Variants in DGKB observed in about 807,000 individuals in gnomAD.
The protein encoded by DGKB is diacylglycerol kinase beta.
DGKB carries 67 observed loss-of-function variants against 114.3 expected under a neutral mutation model. The ratio of observed to expected loss-of-function variants is 0.59; its 90% confidence interval spans 0.48 to 0.72. The LOEUF (loss-of-function observed/expected upper bound fraction) is 0.72. Among genes scored for constraint, DGKB ranks in the 30% least tolerant of loss-of-function variants. The probability of loss-of-function intolerance (pLI) is 0.00; values close to 1 mark genes in which losing one functional copy is unlikely to be tolerated. For synonymous variants in DGKB, 398 were observed against 323.1 expected, an observed-to-expected ratio of 1.23 and a Z score of -2.49; for missense variants, 907 against 975.2, an observed-to-expected ratio of 0.93 and a Z score of 0.93.
chr7:14,333,265 T>G (rs1216105088), intron 23 of DGKB, among the ~76,000 whole-genome samples: 1 of 151,960 alleles, frequency 6.6e-6, no homozygotes, highest in Non-Finnish European at 1.5e-5. Flanking sequence ...GAGACCATCC[T>G]GGCTAACACG....
At chr7:14,181,012 T>C (rs375233644) in intron 23 of DGKB, among the ~76,000 whole-genome samples, 3 of 152,278 alleles carry the variant, frequency 2.0e-5, no homozygotes, top group African/African-American at 4.8e-5. Context: ...CCTAGCCCTT[T>C]TTGTATGGCT....
At chr7:14,684,585 T>A (rs1048324911) in intron 10 of DGKB, among the ~76,000 whole-genome samples, 9 of 152,158 alleles carry the variant, frequency 5.9e-5, no homozygotes, top group Admixed American at 1.3e-4. Context: ...TATAAGAACA[T>A]TCTAATTGGC....
intron 20 of DGKB, among the ~76,000 whole-genome samples, chr7:14,481,370 A>G (rs912313560): frequency 2.6e-5 from 4 of 151,974 alleles, no homozygotes; most frequent in African/African-American, 7.2e-5. Flanking sequence ...AGAATGTTCT[A>G]TATGTATTGA....
chr7:14,208,885 GTT>G (rs10566891), intron 23 of DGKB, among the ~76,000 whole-genome samples: 2,446 of 145,994 alleles, frequency 0.017, 67 homozygotes, highest in African/African-American at 0.056. Flanking sequence ...GAAATAGCTA[GTT>G]TTTTTTTTTT....
chr7:14,448,854 G>A (rs1283077097), intron 21 of DGKB, among the ~76,000 whole-genome samples: 1 of 152,034 alleles, frequency 6.6e-6, no homozygotes, highest in Admixed American at 6.6e-5. Flanking sequence ...AGGGAACCGA[G>A]TCAGATTTTA....
intron 22 of DGKB, among the ~76,000 whole-genome samples, chr7:14,342,015 AG>A (rs1244545322): frequency 6.6e-6 from 1 of 151,884 alleles, no homozygotes; most frequent in Admixed American, 6.6e-5. Flanking sequence ...TTTCAGTATT[AG>A]GACACATGGG....
At chr7:14,651,041 G>C (rs1814356206) in intron 13 of DGKB, among the ~76,000 whole-genome samples, 1 of 152,138 alleles carries the variant, frequency 6.6e-6, no homozygotes, top group Admixed American at 6.6e-5. Flanking sequence ...GCACCAGATG[G>C]ATTCACAGCC....
chr7:14,691,946 T>G (rs1014556749), intron 9 of DGKB, among the ~76,000 whole-genome samples: 4 of 151,984 alleles, frequency 2.6e-5, no homozygotes, highest in African/African-American at 9.7e-5. Context: ...TTACAAATAC[T>G]ATTAAAAAGT....
intron 23 of DGKB, among the ~76,000 whole-genome samples, chr7:14,335,601 T>A (rs1189003222): frequency 1.3e-5 from 2 of 152,228 alleles, no homozygotes; most frequent in Non-Finnish European, 2.9e-5. Flanking sequence ...TTAATTTGAC[T>A]GTAGGTTAAA....
At chr7:14,684,315 G>A (rs903005561) in intron 10 of DGKB, among the ~76,000 whole-genome samples, 1 of 152,058 alleles carries the variant, frequency 6.6e-6, no homozygotes, top group East Asian at 1.9e-4. Flanking sequence ...GGATGGTATT[G>A]GAAGCCAGTA....
intron 4 of DGKB, among the ~76,000 whole-genome samples, chr7:14,740,823 A>G (rs892186747): frequency 6.6e-6 from 1 of 152,150 alleles, no homozygotes; most frequent in African/African-American, 2.4e-5. Flanking sequence ...ACATGAGTGA[A>G]AGCTGCATTG....
At chr7:14,243,180 A>G (rs1297357557) in intron 23 of DGKB, among the ~76,000 whole-genome samples, 1 of 152,188 alleles carries the variant, frequency 6.6e-6, no homozygotes, top group Non-Finnish European at 1.5e-5. Flanking sequence ...GGGAGACTGA[A>G]GTGAACACTT....
chr7:14,815,356 C>T (rs1843977411), intron 2 of DGKB: 1 of 152,204 alleles, frequency 6.6e-6, no homozygotes, highest in Admixed American at 6.6e-5. Flanking sequence ...TCCCAGGTCC[C>T]CTTACAGCAG....
In DGKB at chr7:14,146,994, T is replaced by C. The variant is rs1028980518; in HGVS notation, c.*2137A>G. On this transcript the variant is annotated 3_prime_UTR_variant, in exon 26 of 26. Transcript: ENST00000402815. ...CTATAAAAGGTAGCCAAGACATAAT[T>C]GTATGTTGTAGCGAACATAAAATAA... 6.6e-6 allele frequency: 1 copy of C among 152,178 alleles called. No homozygotes were observed. The highest frequency in any genetic ancestry group is 1.5e-5 in the Non-Finnish European group (1 of 68,016). 9.4% of individuals were successfully genotyped at this position (152,178 alleles called of 1,614,324 possible).
chr7:14,315,979 T>C (rs1806406849), intron 23 of DGKB, among the ~76,000 whole-genome samples: 1 of 151,694 alleles, frequency 6.6e-6, no homozygotes, highest in Non-Finnish European at 1.5e-5. Flanking sequence ...ATTAAGAATT[T>C]CACTCAAAAC....
chr7:14,892,287 G>A (rs929771232), intron 1 of DGKB, among the ~76,000 whole-genome samples: 1 of 151,150 alleles, frequency 6.6e-6, no homozygotes, highest in African/African-American at 2.4e-5. Flanking sequence ...GAATGTCAGC[G>A]AAGGTAAGGC....
At chr7:14,916,503 A>G (rs1314526616) in intron 1 of DGKB, among the ~76,000 whole-genome samples, 1 of 152,130 alleles carries the variant, frequency 6.6e-6, no homozygotes, top group East Asian at 1.9e-4. Context: ...TAACTGTATT[A>G]ATTTCAGACA....
intron 23 of DGKB, among the ~76,000 whole-genome samples, chr7:14,243,592 G>C (rs1417556067): frequency 6.6e-6 from 1 of 152,088 alleles, no homozygotes; most frequent in Non-Finnish European, 1.5e-5. Flanking sequence ...ACTTTCCAAA[G>C]CAAATATGTG....
chr7:14,967,433 G>C (rs1239620758), intron 1 of DGKB, among the ~76,000 whole-genome samples: 1 of 151,814 alleles, frequency 6.6e-6, no homozygotes, highest in Non-Finnish European at 1.5e-5. Flanking sequence ...CAATTCTCCT[G>C]CCTCAGCCTT....
Sources: allele counts gnomAD v4.1 joint callset (sites outside exome capture counted in the v4.1 genomes callset), GRCh38; gene constraint gnomAD v4.1.1; transcripts MANE v1.5; gene names NCBI Gene and HGNC (gene_info 2026-07-23, HGNC 2026-07-21).